TG: variants seen among roughly 807,000 people sequenced by gnomAD.
TG encodes the protein thyroglobulin.
In TG, 270 loss-of-function variants were observed where a neutral mutation model predicts 324.7. The ratio of observed to expected loss-of-function variants is 0.83; its 90% CI spans 0.75 to 0.92. The LOEUF (loss-of-function observed/expected upper bound fraction) is 0.92, where lower values mean the gene tolerates loss of function less well. Among genes scored for constraint, TG ranks in the 40% least tolerant of loss-of-function variants. TG has a pLI of 0.00. For missense variants in TG, 3,591 were observed against 3,456.4 expected (o/e 1.04, Z -0.98); for synonymous variants, 1,401 against 1,327.0 (o/e 1.06, Z -1.21).
intron 8 of TG, 22 bp downstream of exon 8, chr8:132,883,021 C>T: frequency 6.2e-7 from 1 of 1,609,682 alleles, no homozygotes; most frequent in South Asian, 1.1e-5. Flanking sequence ...CTGGGGGCTT[C>T]CTCTTTCGGC....
intron 43 of TG, among the ~76,000 whole-genome samples, chr8:133,100,045 A>C (rs1849011578): frequency 6.6e-6 from 1 of 152,192 alleles, no homozygotes; most frequent in South Asian, 2.1e-4. Context: ...TCTTCTATGA[A>C]CTGCCAGAGC....
At chr8:132,871,710 A>G (rs1839498458) in intron 4 of TG, among the ~76,000 whole-genome samples, 159 bp downstream of exon 4, 1 of 152,254 alleles carries the variant, frequency 6.6e-6, no homozygotes, top group African/African-American at 2.4e-5. Context: ...TATTATTCTC[A>G]TATTTCCATA....
chr8:133,051,642 A>G (rs1840430983), intron 41 of TG, among the ~76,000 whole-genome samples: 1 of 152,156 alleles, frequency 6.6e-6, no homozygotes, highest in African/African-American at 2.4e-5. Flanking sequence ...AAAAGGAAAG[A>G]GGGCTGTCTG....
At chr8:132,867,501 T>G (rs1839047145) in intron 1 of TG, among the ~76,000 whole-genome samples, 1 of 150,478 alleles carries the variant, frequency 6.6e-6, no homozygotes, top group South Asian at 2.1e-4. Context: ...CCATATGACT[T>G]CGGGCAAAGT....
chr8:133,031,019 T>C (rs1243140831), intron 41 of TG, among the ~76,000 whole-genome samples: 4 of 152,260 alleles, frequency 2.6e-5, no homozygotes, highest in Non-Finnish European at 5.9e-5. Context: ...TTAACCATTT[T>C]AAGTGTTCCG....
In TG at chr8:133,022,084, G is replaced by A; in HGVS notation, c.6970G>A (p.Ala2324Thr). ...WPAIDGSFLAAVGNLIVVTAS... is the reference protein window; with the variant it reads ...WPAIDGSFLATVGNLIVVTAS... ...GGCTATCGACGGCTCCTTCTTGGCTGCTGTTGGCAACCTCATCGTGGTCAC... is the reference window on the plus strand; with the variant it reads ...GGCTATCGACGGCTCCTTCTTGGCTACTGTTGGCAACCTCATCGTGGTCAC... The change falls in exon 40 of 48, where the codon GCT (alanine) becomes ACT (threonine). Residue 2324 changes from alanine (A) to threonine (T), a missense_variant. By Grantham distance (58) the Ala-to-Thr change is moderately conservative. Coordinates refer to ENST00000220616, the MANE Select transcript of TG (RefSeq NM_003235.5). 1 of 1,614,170 alleles carries A rather than the reference G, an allele frequency of 6.2e-7. No individual in the cohort carries two copies. The highest frequency in any genetic ancestry group is 1.1e-5 in the South Asian group (1 of 91,084).
intron 26 of TG, among the ~76,000 whole-genome samples, chr8:132,948,489 GGTGCTGTCA>G (rs1825664799): frequency 6.6e-6 from 1 of 152,154 alleles, no homozygotes; most frequent in Admixed American, 6.5e-5. Flanking sequence ...GGAAGTTGGA[GGTGCTGTCA>G]GTGCTATGGA....
At chr8:132,985,191 C>G (rs1362095671) in intron 35 of TG, among the ~76,000 whole-genome samples, 1 of 152,164 alleles carries the variant, frequency 6.6e-6, no homozygotes, top group African/African-American at 2.4e-5. Context: ...CTTGAATTTG[C>G]TGTGCGTCAA....
At chr8:133,113,339 A>T in intron 43 of TG, 83 bp from the exon 44 acceptor site, 1 of 1,542,862 alleles carries the variant, frequency 6.5e-7, no homozygotes, top group African/African-American at 1.4e-5. Context: ...CAGAGAGAAA[A>T]TTCTAGAGCA....
chr8:132,967,071 T>TC (rs1426476410), intron 30 of TG, among the ~76,000 whole-genome samples: 14 of 131,068 alleles, frequency 1.1e-4, no homozygotes, highest in African/African-American at 3.9e-4. Context: ...TCCATCCCAT[T>TC]CATCCGTCCA....
At chr8:132,966,946 C>CCCAT (rs754135665) in intron 30 of TG, among the ~76,000 whole-genome samples, 6 of 152,136 alleles carry the variant, frequency 3.9e-5, no homozygotes, top group East Asian at 1.9e-4. Flanking sequence ...CGTCCATTCA[C>CCCAT]CCATCCATCC....
chr8:132,970,513 T>G (rs1005255195), intron 32 of TG, among the ~76,000 whole-genome samples: 6 of 152,212 alleles, frequency 3.9e-5, no homozygotes, highest in African/African-American at 1.4e-4. Context: ...AAAATTCAAG[T>G]GTCATCCATT....
intron 35 of TG, chr8:132,988,695 T>A (rs946232632): frequency 1.0e-6 from 1 of 985,142 alleles, no homozygotes; most frequent in African/African-American, 1.7e-5. Context: ...AAATGTACAT[T>A]GCATCTTAAA....
At position 133,045,638 on chromosome 8, in the gene TG, G is replaced by A. The variant is rs150889921; in HGVS notation, c.7239+15615G>A. 8.3e-3 allele frequency among the ~76,000 whole-genome samples: 1,258 copies of A among 152,032 alleles called. 19 individuals are homozygous for A. The highest frequency in any genetic ancestry group is 0.028 in the African/African-American group (1,170 of 41,468). ...TCGAACTCCTGGACTCAAGTGATCC[G>A]CCCACCTCGGCCTCCCAAAGTGCTG... On this transcript the variant is annotated intron_variant, in intron 41 of 47. Coordinates refer to ENST00000220616, the MANE Select transcript of TG (RefSeq NM_003235.5).
chr8:132,981,668 T>C (rs758125855), intron 34 of TG, among the ~76,000 whole-genome samples: 11 of 152,188 alleles, frequency 7.2e-5, no homozygotes, highest in Non-Finnish European at 1.5e-4. Context: ...CTGGGGAACT[T>C]GCTTGAAATG....
Position 132,961,065 on chromosome 8 carries a change from T to A in TG, c.5459T>A (p.Leu1820His). 6.2e-7 allele frequency: 1 copy of A among 1,614,066 alleles called. No individual in the cohort carries two copies. Among genetic ancestry groups the A allele is most frequent in the South Asian group, 1.1e-5 (1 of 91,082 alleles). The stretch of plus-strand genomic sequence containing the variant: ...TTTACCAATTTTCAGCAGGTTTATC[T>A]CTGGAAAGGTGAGCTCCGTGGTGGA... ...DTFTNFQQVY[L>H]WKDSDMGSRP... The change falls in exon 28 of 48, where the codon CTC becomes CAC. Residue 1820 changes from leucine (L) to histidine (H), a missense_variant. By Grantham distance (99) the Leu-to-His change is moderately conservative. Transcript: ENST00000220616.
At chr8:133,034,627 G>A (rs1433294138) in intron 41 of TG, among the ~76,000 whole-genome samples, 1 of 152,074 alleles carries the variant, frequency 6.6e-6, no homozygotes, top group Non-Finnish European at 1.5e-5. Flanking sequence ...TACTAAAGCA[G>A]CTTAGTGGAT....
At chr8:133,107,354 T>TGTTAATGGCA (rs1849888688) in intron 43 of TG, among the ~76,000 whole-genome samples, 1 of 152,216 alleles carries the variant, frequency 6.6e-6, no homozygotes, top group Non-Finnish European at 1.5e-5. Context: ...CATTAGGATG[T>TGTTAATGGCA]GTTAATGGCA....
At chr8:133,081,266 C>T (rs1845700454) in intron 41 of TG, among the ~76,000 whole-genome samples, 1 of 152,214 alleles carries the variant, frequency 6.6e-6, no homozygotes, top group Non-Finnish European at 1.5e-5. Flanking sequence ...CAGAGGCTAT[C>T]CCCAAAGATG....
Sources: gnomAD v4.1 joint callset for allele counts (sites outside exome capture counted in the v4.1 genomes callset) on GRCh38, gnomAD v4.1.1 for gene constraint, MANE v1.5 for transcripts, NCBI Gene and HGNC (gene_info 2026-07-23, HGNC 2026-07-21) for gene names.